The following ACBD5 variants were observed in gnomAD, a reference collection of about 807,000 sequenced individuals.
ACBD5 encodes acyl-CoA binding domain containing 5, also known as acyl-CoA-binding domain-containing protein 5.
A neutral mutation model predicts 71.8 loss-of-function variants in ACBD5; 40 were observed. The ratio of observed to expected loss-of-function variants is 0.56; its 90% CI spans 0.43 to 0.72. ACBD5 has a LOEUF of 0.72. Among genes scored for constraint, ACBD5 ranks in the 30% least tolerant of loss-of-function variants. ACBD5 has a pLI of 0.00. For missense variants in ACBD5, 559 were observed against 644.5 expected, an observed-to-expected ratio of 0.87 and a Z score of 1.44; for synonymous variants, 229 against 218.6, an observed-to-expected ratio of 1.05 and a Z score of -0.42.
At chr10:27,236,884 C>CA (rs5783998) in intron 2 of ACBD5, among the ~76,000 whole-genome samples, 18,833 of 87,108 alleles carry the variant, frequency 0.22, 2,134 homozygotes, top group East Asian at 0.44. Flanking sequence ...GACTTGGTCT[C>CA]AAAAAAAAAA....
intron 12 of ACBD5, among the ~76,000 whole-genome samples, chr10:27,199,027 T>C (rs2059644018): frequency 6.6e-6 from 1 of 151,796 alleles, no homozygotes; most frequent in Non-Finnish European, 1.5e-5. Context: ...GAGAATCGCT[T>C]GAACCTGGGA....
downstream of ACBD5, among the ~76,000 whole-genome samples, chr10:27,194,612 AAATAATAAT>A (rs60916474): frequency 2.3e-4 from 31 of 135,582 alleles, no homozygotes; most frequent in Admixed American, 1.6e-3. Flanking sequence ...ACTCCATCTC[AAATAATAAT>A]AATAATAATA....
chr10:27,188,528 G>C (rs1375849948), intron 13 of ACBD5, among the ~76,000 whole-genome samples: 1 of 152,192 alleles, frequency 6.6e-6, no homozygotes, highest in East Asian at 1.9e-4. Flanking sequence ...TGCTACCCAG[G>C]ATATTAACCT....
chr10:27,228,024 T>C (rs2063311276), intron 4 of ACBD5, among the ~76,000 whole-genome samples: 1 of 151,912 alleles, frequency 6.6e-6, no homozygotes, highest in African/African-American at 2.4e-5. Flanking sequence ...AGATTCCATC[T>C]TTAATGAGAC....
Position 27,204,512 on chromosome 10 carries a change from A to C in ACBD5, c.1493T>G (p.Val498Gly). The C allele has an allele frequency of 6.2e-7, 1 of 1,614,154 alleles. No homozygotes were observed. The highest frequency in any genetic ancestry group is 1.1e-5 in the South Asian group (1 of 91,090). ...SWWPFEMSPG[V>G]LTFAIIWPFI... ...AGGCCATATGATGGCAAACGTTAGCACACCAGGAGACATCTCGAAGGGCCA... is the reference window on the plus strand; with the variant it reads ...AGGCCATATGATGGCAAACGTTAGCCCACCAGGAGACATCTCGAAGGGCCA... Residue 498 changes from valine (V) to glycine (G), a missense_variant, in exon 12 of 13, where the codon GTG becomes GGG. Transcript: ENST00000396271.
intron 13 of ACBD5, chr10:27,186,492 A>T: frequency 6.2e-7 from 1 of 1,614,198 alleles, no homozygotes; most frequent in East Asian, 2.2e-5. Flanking sequence ...TTTTGAAGCC[A>T]GGAATACTGC....
chr10:27,186,542 A>C, intron 13 of ACBD5: 1 of 1,613,756 alleles, frequency 6.2e-7, no homozygotes, highest in South Asian at 1.1e-5. Context: ...TGTAGCACAA[A>C]AATTTTCCTT....
Position 27,240,637 on chromosome 10 carries a change from C to T in ACBD5, c.15+37G>A, listed in dbSNP as rs1479265437. On this transcript the variant is annotated intron_variant, in intron 1 of 12. Transcript: ENST00000396271. The surrounding 1 kb of genome is among the most constrained non-coding windows in gnomAD (Gnocchi z 4.1). The stretch of plus-strand genomic sequence containing the variant: ...TCCTCCCCCGGGGCGTGACTAAGGC[C>T]ACGAATCCGGCCCGCGACGACAGCA... The T allele has an allele frequency of 6.4e-7, 1 of 1,551,156 alleles. No individual in the cohort carries two copies. Among genetic ancestry groups the T allele is most frequent in the Admixed American group, 2.0e-5 (1 of 50,986 alleles).
At position 27,231,806 on chromosome 10, in the gene ACBD5, G is replaced by A; in HGVS notation, c.317C>T (p.Ser106Leu). The part of the protein sequence containing the change: ...IGRYKWDAWS[S>L]LGDMTKEEAM... ...TTCCTCTTTGGTCATATCACCCAGT[G>A]AACTCCAAGCATCCCTAGAAATGAA... is the stretch of plus-strand genomic sequence containing the variant. The change falls in exon 4 of 13, where the codon TCA becomes TTA. Residue 106 changes from serine (S) to leucine (L), a missense_variant. Physicochemically the swap from Ser to Leu is moderately radical, Grantham distance 145 (BLOSUM62 -2). Coordinates refer to ENST00000396271, the MANE Select transcript of ACBD5 (RefSeq NM_145698.5). The A allele has an allele frequency of 1.2e-6, 2 of 1,613,594 alleles. No homozygotes were observed. Among genetic ancestry groups the A allele is most frequent in the Non-Finnish European group, 1.7e-6 (2 of 1,179,886 alleles).
intron 8 of ACBD5, among the ~76,000 whole-genome samples, chr10:27,213,288 C>T (rs1042611752): frequency 2.0e-5 from 3 of 152,108 alleles, no homozygotes; most frequent in Non-Finnish European, 2.9e-5. Flanking sequence ...CAGCGAAATG[C>T]AAATCAAAAC....
chr10:27,235,296 G>T (rs2064508581), intron 2 of ACBD5, 84 bp from the exon 3 acceptor site: 5 of 1,488,150 alleles, frequency 3.4e-6, no homozygotes, highest in South Asian at 1.1e-5. Context: ...TATACTAATA[G>T]TGATTTTATA....
intron 13 of ACBD5, among the ~76,000 whole-genome samples, chr10:27,189,673 A>T (rs2058990381): frequency 6.6e-6 from 1 of 150,770 alleles, no homozygotes; most frequent in East Asian, 1.9e-4. Flanking sequence ...GTAAATGACG[A>T]GTTAATGGGT....
intron 4 of ACBD5, among the ~76,000 whole-genome samples, chr10:27,226,418 T>C (rs1353502794): frequency 6.7e-6 from 1 of 148,942 alleles, no homozygotes; most frequent in Non-Finnish European, 1.5e-5. Context: ...ATACAAGAAA[T>C]GGTGCACATG....
Position 27,208,567 on chromosome 10 carries a change from G to A in ACBD5, c.1205-122C>T, listed in dbSNP as rs151156893. 9.9e-4 allele frequency: 1,184 copies of A among 1,190,388 alleles called. 5 individuals are homozygous for A. The East Asian group carries it at 0.015, about 15-fold the overall frequency. The allele number at this position is 1,190,388 out of a possible 1,614,324, so 73.7% of individuals were successfully genotyped here. A position where few individuals can be genotyped will look rare whatever the true frequency, so the allele number is the denominator to read the frequency against. On this transcript the variant is annotated intron_variant, in intron 9 of 12. Coordinates refer to ENST00000396271, the MANE Select transcript of ACBD5 (RefSeq NM_145698.5). ...AATCTCCAAAGTGTGGCCAGGAGCT[G>A]TGGCTCACACCTGTAATCCCAGCAC...
chr10:27,219,754 T>C lies in ACBD5; in HGVS notation c.594A>G (p.Glu198=). 6.8e-6 allele frequency: 11 copies of C among 1,614,126 alleles called. No homozygotes were observed. Among genetic ancestry groups the C allele is most frequent in the African/African-American group, 1.3e-5 (1 of 75,060 alleles). Reference sequence around the variant, plus strand: ...CACTTTGTTCTGCTCCTTTCACTTCTTCTTGGGCCTCTTCTTCCTCAGACT... The same window carrying C: ...CACTTTGTTCTGCTCCTTTCACTTCCTCTTGGGCCTCTTCTTCCTCAGACT... ...GAESEEEEAQ[E]EVKGAEQSDN... is the part of the protein sequence containing the mutation. The change falls in exon 6 of 13, where the codon GAA becomes GAG. Residue 198 remains glutamate, a synonymous_variant. Coordinates refer to ENST00000396271, the MANE Select transcript of ACBD5 (RefSeq NM_145698.5).
At position 27,240,778 on chromosome 10, in the gene ACBD5, C is replaced by G; in HGVS notation, c.-90G>C. ...ACCCTGGCGGAGCAGCCACACCCCC[C>G]ATTCCGCCGGAGTCCGTCTGTCAGT... On this transcript the variant is annotated 5_prime_UTR_variant, in exon 1 of 13. The change abolishes an upstream ATG in the 5' untranslated region. Transcript: ENST00000396271. This position sits in a 1 kb window ranked among gnomAD's most constrained non-coding sequence, Gnocchi z 4.1. 1 of 1,536,920 alleles carries G rather than the reference C, an allele frequency of 6.5e-7. No individual in the cohort carries two copies.
upstream of ACBD5, chr10:27,240,821 C>G: frequency 7.3e-7 from 1 of 1,367,762 alleles, no homozygotes. This position sits in a 1 kb window ranked among gnomAD's most constrained non-coding sequence, Gnocchi z 4.1. Context: ...CTCCCCACAG[C>G]CCCGCCCCAG....
chr10:27,193,767 T>C (rs2059182413), downstream of ACBD5, among the ~76,000 whole-genome samples: 1 of 152,200 alleles, frequency 6.6e-6, no homozygotes, highest in Non-Finnish European at 1.5e-5. Context: ...CCTGTCTACC[T>C]AATGGCATTG....
intron 8 of ACBD5, among the ~76,000 whole-genome samples, chr10:27,211,841 T>C (rs1345371396): frequency 6.6e-6 from 1 of 152,062 alleles, no homozygotes; most frequent in African/African-American, 2.4e-5. Context: ...CTGGACTTGA[T>C]GAAGGTGGTG....
Sources: allele counts gnomAD v4.1 joint callset (sites outside exome capture counted in the v4.1 genomes callset), GRCh38; gene constraint gnomAD v4.1.1; non-coding constraint Gnocchi (gnomAD v3.1); transcripts MANE v1.5; gene names NCBI Gene and HGNC (gene_info 2026-07-23, HGNC 2026-07-21).